Variants in EVC observed in about 807,000 individuals in gnomAD.
EVC encodes evC complex member EVC.
A neutral mutation model predicts 118.9 loss-of-function variants in EVC; 116 were observed. The observed-to-expected ratio is 0.98, with a 90% CI of 0.84 to 1.14. The LOEUF (loss-of-function observed/expected upper bound fraction) is 1.14. Among genes scored for constraint, EVC ranks in the 50% most tolerant of loss-of-function variants. The pLI, the probability that EVC is intolerant of heterozygous loss-of-function variation, is 0.00. For synonymous variants in EVC, 619 were observed against 534.7 expected, an observed-to-expected ratio of 1.16 and a Z score of -2.18; for missense variants, 1,401 against 1,246.4, an observed-to-expected ratio of 1.12 and a Z score of -1.87.
At chr4:5,752,019 C>T (rs58017354) in intron 8 of EVC, among the ~76,000 whole-genome samples, 3,010 of 152,196 alleles carry the variant, frequency 0.02, 100 homozygotes, top group African/African-American at 0.067. Flanking sequence ...CTGAAAGGTC[C>T]GCTGTTCTGT....
At chr4:5,801,739 A>G (rs2152360229) in intron 15 of EVC, 2 of 555,746 alleles carry the variant, frequency 3.6e-6, no homozygotes, top group Non-Finnish European at 6.4e-6. Flanking sequence ...ATCGCATTTC[A>G]TTGGCTCTAG....
rs767786117 is a variant in EVC, at chr4:5,798,703, C to T, written c.2215C>T (p.His739Tyr). The part of the protein sequence containing the change: ...AQEVGQLLQQ[H>Y]MECAIGQALL... ...GGAGGTGGGGCAGCTTCTGCAGCAGCACATGGAGTGCGCCATTGGGCAGGC... is the reference window on the plus strand; with the variant it reads ...GGAGGTGGGGCAGCTTCTGCAGCAGTACATGGAGTGCGCCATTGGGCAGGC... Residue 739 changes from histidine to tyrosine, a missense_variant, in exon 15 of 21, where the codon CAC becomes TAC. Physicochemically the swap from His to Tyr is moderately conservative, Grantham distance 83. Transcript: ENST00000264956. This position sits in a 1 kb window ranked among gnomAD's most constrained non-coding sequence, Gnocchi z 4.1. 6.2e-7 allele frequency: 1 copy of T among 1,609,344 alleles called. No homozygotes were observed. The highest frequency in any genetic ancestry group is 1.1e-5 in the South Asian group (1 of 90,234).
chr4:5,745,921 A>G (rs1003157363), intron 7 of EVC, among the ~76,000 whole-genome samples: 1 of 152,196 alleles, frequency 6.6e-6, no homozygotes, highest in African/African-American at 2.4e-5. Context: ...AGAGTGACAC[A>G]TCTTGTGATA....
intron 11 of EVC, chr4:5,758,217 A>G: frequency 2.9e-6 from 2 of 688,250 alleles, no homozygotes; most frequent in Non-Finnish European, 2.6e-6. Context: ...GGCCCCTCCC[A>G]GAGCCTTTGG....
rs774050947 is a variant in EVC, at chr4:5,731,403, G to A, written c.385-22G>A. 6.3e-7 allele frequency: 1 copy of A among 1,575,426 alleles called. No individual in the cohort carries two copies. The highest frequency in any genetic ancestry group is 1.1e-5 in the South Asian group (1 of 90,306). ...CCCAGAGGCATCACATGGACTGAGT[G>A]TGACTCCTACTGCCACCCCAGCCTC... On this transcript the variant is annotated intron_variant, in intron 3 of 20. Coordinates refer to ENST00000264956, the MANE Select transcript of EVC (RefSeq NM_153717.3). This position sits in a 1 kb window ranked among gnomAD's most constrained non-coding sequence, Gnocchi z 5.6.
At chr4:5,821,842 A>G in the EVC span, 3 of 1,584,186 alleles carry the variant, frequency 1.9e-6, no homozygotes, top group Non-Finnish European at 2.6e-6. The surrounding 1 kb of genome is among the most constrained non-coding windows in gnomAD (Gnocchi z 4.4). Context: ...GTTGTCATCT[A>G]TCTGGGCACC....
rs909570592 is a variant in EVC at position 5,797,416 on chromosome 4, T to G, written c.2097+184T>G. On this transcript the variant is annotated intron_variant, in intron 14 of 20. Coordinates refer to ENST00000264956, the MANE Select transcript of EVC (RefSeq NM_153717.3). The stretch of plus-strand genomic sequence containing the variant: ...CCGGGCAGCTTACACTGCACACATT[T>G]CCCTGCTCACCATCCTGGAGGCCAG... The G allele has an allele frequency of 4.8e-6, 3 of 630,112 alleles. No homozygotes were observed. In the African/African-American group the frequency reaches 5.4e-5, roughly 11 times the overall value. 39.0% of individuals were successfully genotyped at this position (630,112 alleles called of 1,614,324 possible). A position where few individuals can be genotyped will look rare whatever the true frequency, so the allele number is the denominator to read the frequency against.
rs986697952 is a variant in EVC at position 5,813,151 on chromosome 4, A to G, written c.*2114A>G. ...CAACAGCTCCCTCTTGTGGTTCACT[A>G]AAAAACTTGGTTATTCCATGGAGTT... On this transcript the variant is annotated 3_prime_UTR_variant, in exon 21 of 21. Transcript: ENST00000264956. The G allele has an allele frequency of 1.3e-5, 2 of 152,206 alleles. No homozygotes were observed. Among genetic ancestry groups the G allele is most frequent in the Admixed American group, 1.3e-4 (2 of 15,282 alleles). 9.4% of individuals were successfully genotyped at this position (152,206 alleles called of 1,614,324 possible). A position where few individuals can be genotyped will look rare whatever the true frequency, so the allele number is the denominator to read the frequency against.
chr4:5,754,002 CG>C lies in EVC; in HGVS notation c.1464+72del. On this transcript the variant is annotated intron_variant, in intron 10 of 20. Coordinates refer to ENST00000264956, the MANE Select transcript of EVC (RefSeq NM_153717.3). The surrounding 1 kb of genome is among the most constrained non-coding windows in gnomAD (Gnocchi z 5.8). ...GTAGCTCTGTTCCCGTGACTGAGCACGGGACGCCGGAGGTATTCATCAGGCA... is the reference window on the plus strand; with the variant it reads ...GTAGCTCTGTTCCCGTGACTGAGCACGGACGCCGGAGGTATTCATCAGGCA... The C allele has an allele frequency of 6.3e-7, 1 of 1,593,612 alleles. No homozygotes were observed. The highest frequency in any genetic ancestry group is 2.2e-5 in the East Asian group (1 of 44,750).
intron 11 of EVC, among the ~76,000 whole-genome samples, chr4:5,769,958 C>T (rs891961012): frequency 6.6e-6 from 1 of 152,078 alleles, no homozygotes; most frequent in Non-Finnish European, 1.5e-5. Flanking sequence ...CTTTAACTCA[C>T]CAGAAGGACT....
At chr4:5,748,716 C>G in intron 8 of EVC, among the ~76,000 whole-genome samples, 1 of 128,692 alleles carries the variant, frequency 7.8e-6, no homozygotes, top group Non-Finnish European at 1.7e-5. Context: ...ACCCATCCAC[C>G]CACCCACCCA....
rs1272235769 is a variant in EVC, at chr4:5,778,417, G to C, written c.1564-5135G>C. On this transcript the variant is annotated intron_variant, in intron 11 of 20. Coordinates refer to ENST00000264956, the MANE Select transcript of EVC (RefSeq NM_153717.3). ...TAGATCCCTGAGGAATCGCCACACTGACTTCCACAATGGTTGAACTAGTTT... is the reference window on the plus strand; with the variant it reads ...TAGATCCCTGAGGAATCGCCACACTCACTTCCACAATGGTTGAACTAGTTT... Among the ~76,000 whole-genome samples the C allele has an allele frequency of 7.4e-4, 112 of 150,592 alleles. 2 individuals carry two copies. Among genetic ancestry groups the C allele is most frequent in the African/African-American group, 2.5e-3 (103 of 40,962 alleles).
rs147849209 is a variant in EVC at position 5,738,711 on chromosome 4, C to T, written c.703-3005C>T. Among the ~76,000 whole-genome samples the T allele has an allele frequency of 0.012, 1,781 of 151,966 alleles. 24 individuals are homozygous for T. Among genetic ancestry groups the T allele is most frequent in the South Asian group, 0.027 (128 of 4,794 alleles). On this transcript the variant is annotated intron_variant, in intron 5 of 20. Coordinates refer to ENST00000264956, the MANE Select transcript of EVC (RefSeq NM_153717.3). The surrounding 1 kb of genome is among the most constrained non-coding windows in gnomAD (Gnocchi z 6.5). Reference sequence around the variant, plus strand: ...CCTCCCGAGCAGCTGGGACCACAGGCGCGCACCACCTCGCCCAGACAATTT... The same window carrying T: ...CCTCCCGAGCAGCTGGGACCACAGGTGCGCACCACCTCGCCCAGACAATTT...
intron 15 of EVC, among the ~76,000 whole-genome samples, chr4:5,799,574 G>A (rs1488243082): frequency 6.6e-6 from 1 of 152,158 alleles, no homozygotes; most frequent in African/African-American, 2.4e-5. Flanking sequence ...TGTAAGGAGA[G>A]GTAGGGCACC....
At chr4:5,762,683 G>T (rs1180690865) in intron 11 of EVC, among the ~76,000 whole-genome samples, 3 of 145,942 alleles carry the variant, frequency 2.1e-5, no homozygotes, top group East Asian at 4.2e-4. Context: ...TGTGTTTTTT[G>T]GCTGCATAAA....
intron 1 of EVC, among the ~76,000 whole-genome samples, chr4:5,712,071 A>G (rs1197000674): frequency 1.3e-5 from 2 of 152,200 alleles, no homozygotes; most frequent in African/African-American, 4.8e-5. Flanking sequence ...GACGACATTC[A>G]TGAGCGGGAG....
At chr4:5,816,253 A>G (rs1206941731), downstream of EVC, among the ~76,000 whole-genome samples, 1 of 152,012 alleles carries the variant, frequency 6.6e-6, no homozygotes, top group Non-Finnish European at 1.5e-5. Flanking sequence ...TGAGCTCTTC[A>G]TCCGCCTTGT....
At chr4:5,791,892 C>T (rs1347984091) in intron 12 of EVC, among the ~76,000 whole-genome samples, 1 of 152,212 alleles carries the variant, frequency 6.6e-6, no homozygotes, top group Non-Finnish European at 1.5e-5. Context: ...TAAGCCCTCC[C>T]CAGCCCACAC....
At chr4:5,825,838 G>A in the EVC span, 2 of 625,076 alleles carry the variant, frequency 3.2e-6, no homozygotes, top group East Asian at 6.2e-5. The surrounding 1 kb of genome is among the most constrained non-coding windows in gnomAD (Gnocchi z 4.4). Context: ...GCCGCACACA[G>A]GCATTCATAC....
Sources: allele counts gnomAD v4.1 joint callset (sites outside exome capture counted in the v4.1 genomes callset), GRCh38; gene constraint gnomAD v4.1.1; non-coding constraint Gnocchi (gnomAD v3.1); transcripts MANE v1.5; gene names NCBI Gene and HGNC (gene_info 2026-07-23, HGNC 2026-07-21).